Variants in ZRANB3 observed in about 807,000 individuals in gnomAD.
The protein encoded by ZRANB3 is zinc finger RANBP2-type containing 3, also known as DNA annealing helicase and endonuclease ZRANB3.
In ZRANB3, 125 loss-of-function variants were observed where a neutral mutation model predicts 133.8. The ratio of observed to expected loss-of-function variants is 0.93; its 90% CI spans 0.81 to 1.08. The LOEUF is 1.08. Ranked by LOEUF, ZRANB3 falls within the 50% of genes least tolerant of loss-of-function variation. The pLI, the probability that ZRANB3 is intolerant of heterozygous loss-of-function variation, is 0.00. For synonymous variants in ZRANB3, 387 were observed against 432.7 expected (o/e 0.89, Z 1.31); for missense variants, 1,229 against 1,275.5 (o/e 0.96, Z 0.56).
At chr2:135,220,819 T>C (rs1452239622) in intron 15 of ZRANB3, among the ~76,000 whole-genome samples, 1 of 152,020 alleles carries the variant, frequency 6.6e-6, no homozygotes, top group Non-Finnish European at 1.5e-5. Context: ...CTACTCTTCC[T>C]TTAAAGGGAT....
intron 2 of ZRANB3, among the ~76,000 whole-genome samples, chr2:135,458,132 G>A (rs1690607885): frequency 6.6e-6 from 1 of 152,030 alleles, no homozygotes; most frequent in Non-Finnish European, 1.5e-5. Flanking sequence ...TATTGTTGCG[G>A]CACTATTTGT....
At chr2:135,235,346 T>A (rs1375581491) in intron 12 of ZRANB3, among the ~76,000 whole-genome samples, 1 of 152,198 alleles carries the variant, frequency 6.6e-6, no homozygotes, top group Non-Finnish European at 1.5e-5. Flanking sequence ...ACAGCCAAAT[T>A]CTACGAGAGG....
chr2:135,225,886 A>T (rs988582757), intron 14 of ZRANB3, among the ~76,000 whole-genome samples: 1 of 152,174 alleles, frequency 6.6e-6, no homozygotes, highest in Non-Finnish European at 1.5e-5. Flanking sequence ...CTCTGCAAAT[A>T]GAGGAAAGTG....
intron 2 of ZRANB3, among the ~76,000 whole-genome samples, chr2:135,464,339 G>C (rs1690890429): frequency 6.6e-6 from 1 of 152,128 alleles, no homozygotes; most frequent in Non-Finnish European, 1.5e-5. Context: ...GGCTAATACT[G>C]GTAGTGGTGG....
intron 2 of ZRANB3, among the ~76,000 whole-genome samples, chr2:135,472,817 T>C (rs542744603): frequency 1.3e-5 from 2 of 152,260 alleles, no homozygotes; most frequent in South Asian, 2.1e-4. Context: ...GTTAATAAAT[T>C]TGTATAAATG....
chr2:135,421,448 T>C (rs542648042), intron 2 of ZRANB3, among the ~76,000 whole-genome samples: 1 of 152,322 alleles, frequency 6.6e-6, no homozygotes, highest in Non-Finnish European at 1.5e-5. Context: ...TCATTTGTAG[T>C]CAAATATGGT....
At chr2:135,447,484 A>AT (rs1264896346) in intron 2 of ZRANB3, among the ~76,000 whole-genome samples, 1 of 152,038 alleles carries the variant, frequency 6.6e-6, no homozygotes, top group Admixed American at 6.5e-5. Flanking sequence ...TTCTCAGAAT[A>AT]TTTTTTCTGA....
chr2:135,485,139 C>G (rs1022072114), intron 2 of ZRANB3, among the ~76,000 whole-genome samples: 5 of 149,752 alleles, frequency 3.3e-5, no homozygotes, highest in African/African-American at 1.0e-4. Flanking sequence ...AGAAACAAAA[C>G]AAAACAAACA....
intron 6 of ZRANB3, among the ~76,000 whole-genome samples, chr2:135,344,250 T>C (rs1684822796): frequency 6.6e-6 from 1 of 152,184 alleles, no homozygotes; most frequent in Admixed American, 6.5e-5. Flanking sequence ...CGTTCGGCAA[T>C]AGCAGACGTG....
intron 20 of ZRANB3, 177 bp downstream of exon 20, chr2:135,202,655 G>C (rs1184772805): frequency 6.5e-6 from 4 of 612,644 alleles, no homozygotes; most frequent in African/African-American, 1.9e-5. Flanking sequence ...AGCTTCTCTT[G>C]CATCTGTGAC....
chr2:135,206,407 T>G (rs1283875773), intron 19 of ZRANB3, among the ~76,000 whole-genome samples: 1 of 151,806 alleles, frequency 6.6e-6, no homozygotes, highest in Non-Finnish European at 1.5e-5. Context: ...CCTGGCTAAT[T>G]TTTTATACTT....
At position 135,443,684 on chromosome 2, in the gene ZRANB3, G is replaced by T. The variant is rs999897700; in HGVS notation, c.162-52864C>A. Among the ~76,000 whole-genome samples the T allele has an allele frequency of 2.6e-5, 4 of 152,104 alleles. No individual in the cohort carries two copies. The South Asian group carries it at 8.3e-4, about 32-fold the overall frequency. On this transcript the variant is annotated intron_variant, in intron 2 of 20. Transcript: ENST00000264159. ...AAGTGAAAGAACATCAGACAAATCC[G>T]ACGTGAGGGACATTCAACAAAATAC...
At chr2:135,282,402 A>G (rs1209215492) in intron 8 of ZRANB3, among the ~76,000 whole-genome samples, 2 of 152,148 alleles carry the variant, frequency 1.3e-5, no homozygotes, top group East Asian at 3.8e-4. Context: ...TCTGTTAGTA[A>G]ACATTTCCAA....
intron 2 of ZRANB3, among the ~76,000 whole-genome samples, chr2:135,498,393 A>C (rs1692778000): frequency 6.6e-6 from 1 of 152,204 alleles, no homozygotes; most frequent in South Asian, 2.1e-4. Flanking sequence ...TAAATTGTGA[A>C]GATTTCATGG....
chr2:135,251,663 G>A (rs1679401244), intron 12 of ZRANB3, among the ~76,000 whole-genome samples: 1 of 152,110 alleles, frequency 6.6e-6, no homozygotes, highest in Admixed American at 6.6e-5. Flanking sequence ...TTCTCTTGCC[G>A]CCAACATGTA....
rs1487492555 is a variant in ZRANB3, at chr2:135,271,776, C to A, written c.1198G>T (p.Ala400Ser). Residue 400 changes from alanine to serine, a missense_variant, in exon 10 of 21, where the codon GCT becomes TCT. Ala to Ser is a moderately conservative substitution (Grantham distance 99). Transcript: ENST00000264159. ...TRVAILSIQA[A>S]GQGLTFTAAS... is the part of the protein sequence containing the mutation. ...GACTTGAAATTTCTTACCTGGCCAG[C>A]AGCCTGAATGCTTAGGATAGCCACG... is the stretch of plus-strand genomic sequence containing the variant. 8 of 1,610,020 alleles carry A rather than the reference C, an allele frequency of 5.0e-6. No homozygotes were observed. The highest frequency in any genetic ancestry group is 5.9e-6 in the Non-Finnish European group (7 of 1,178,790).
intron 1 of ZRANB3, 83 bp from the exon 2 acceptor site, chr2:135,504,579 TATTAAAG>T: frequency 8.3e-7 from 1 of 1,203,734 alleles, no homozygotes. Flanking sequence ...ATATAAATAA[TATTAAAG>T]TACTTATAAA....
At chr2:135,444,839 C>A (rs555793382) in intron 2 of ZRANB3, among the ~76,000 whole-genome samples, 1 of 151,932 alleles carries the variant, frequency 6.6e-6, no homozygotes, top group Non-Finnish European at 1.5e-5. Context: ...AAGCGGTAGG[C>A]GTGGGCGGGG....
At chr2:135,520,582 G>GT (rs1436885798) in intron 1 of ZRANB3, among the ~76,000 whole-genome samples, 1 of 150,934 alleles carries the variant, frequency 6.6e-6, no homozygotes, top group Non-Finnish European at 1.5e-5. Context: ...CTGGCTAATT[G>GT]TTTTTTTGTT....
Sources: gnomAD v4.1 joint callset for allele counts (sites outside exome capture counted in the v4.1 genomes callset) on GRCh38, gnomAD v4.1.1 for gene constraint, MANE v1.5 for transcripts, NCBI Gene and HGNC (gene_info 2026-07-23, HGNC 2026-07-21) for gene names.